The following MACROD2 variants were observed in gnomAD, a reference collection of about 807,000 sequenced individuals.
MACROD2 encodes the protein mono-ADP ribosylhydrolase 2.
A neutral mutation model predicts 70.4 loss-of-function variants in MACROD2; 36 were observed. That is an observed-to-expected ratio of 0.51 (90% CI 0.39 to 0.68). MACROD2 has a LOEUF of 0.68. MACROD2 is among the 30% of genes least tolerant of loss of function. The probability of loss-of-function intolerance (pLI) is 0.00; values close to 1 mark genes in which losing one functional copy is unlikely to be tolerated. For missense variants in MACROD2, 496 were observed against 538.4 expected (o/e 0.92, Z 0.78); for synonymous variants, 172 against 178.8 (o/e 0.96, Z 0.30).
chr20:16,006,600 T>C (rs2066791640), intron 15 of MACROD2, among the ~76,000 whole-genome samples: 1 of 152,158 alleles, frequency 6.6e-6, no homozygotes, highest in Non-Finnish European at 1.5e-5. Context: ...TCTATTTTTA[T>C]TGAAATGGAG....
At chr20:14,929,008 G>A (rs533426670) in intron 5 of MACROD2, among the ~76,000 whole-genome samples, 1 of 152,250 alleles carries the variant, frequency 6.6e-6, no homozygotes, top group Non-Finnish European at 1.5e-5. Flanking sequence ...AAGCAAGGGA[G>A]GTTTATGAAG....
intron 10 of MACROD2, among the ~76,000 whole-genome samples, chr20:15,913,283 C>T (rs1049124136): frequency 6.6e-6 from 1 of 152,010 alleles, no homozygotes; most frequent in African/African-American, 2.4e-5. Context: ...CAAACTGGCT[C>T]TGTCCAACAA....
chr20:14,937,768 C>T (rs997694622), intron 5 of MACROD2, among the ~76,000 whole-genome samples: 1 of 152,002 alleles, frequency 6.6e-6, no homozygotes, highest in Admixed American at 6.6e-5. Flanking sequence ...ATCTATGAAA[C>T]ACAAGGTCTT....
intron 2 of MACROD2, among the ~76,000 whole-genome samples, chr20:14,006,254 C>T (rs116126350): frequency 9.5e-4 from 144 of 152,202 alleles, no homozygotes; most frequent in African/African-American, 3.3e-3. Context: ...CACCTAACAA[C>T]GCCTTTCTCA....
chr20:14,525,411 G>T (rs2085219895), intron 4 of MACROD2, among the ~76,000 whole-genome samples: 1 of 152,226 alleles, frequency 6.6e-6, no homozygotes, highest in Non-Finnish European at 1.5e-5. Flanking sequence ...AGCAGGTGCT[G>T]CGTTAGTTAC....
intron 5 of MACROD2, among the ~76,000 whole-genome samples, chr20:15,185,896 G>A (rs886958464): frequency 6.6e-6 from 1 of 152,102 alleles, no homozygotes; most frequent in East Asian, 1.9e-4. Flanking sequence ...GGGAATTTGG[G>A]GGAGAAAACG....
At chr20:14,661,885 A>T (rs1986245816) in intron 4 of MACROD2, among the ~76,000 whole-genome samples, 1 of 152,116 alleles carries the variant, frequency 6.6e-6, no homozygotes, top group Non-Finnish European at 1.5e-5. Context: ...TCTACTGGTC[A>T]TCAGTGGTAG....
chr20:14,658,100 T>C (rs959546125), intron 4 of MACROD2, among the ~76,000 whole-genome samples: 5 of 152,134 alleles, frequency 3.3e-5, no homozygotes, highest in African/African-American at 1.2e-4. Context: ...TTTTTTTCAA[T>C]AAACAGTTTC....
At chr20:14,803,949 C>A (rs6131609) in intron 5 of MACROD2, among the ~76,000 whole-genome samples, 2 of 151,916 alleles carry the variant, frequency 1.3e-5, no homozygotes, top group African/African-American at 2.4e-5. Context: ...CAAAATGGAA[C>A]GTTTTTTGAG....
At chr20:14,226,960 G>A (rs1317129831) in intron 3 of MACROD2, among the ~76,000 whole-genome samples, 17 of 152,262 alleles carry the variant, frequency 1.1e-4, no homozygotes, top group Admixed American at 1.1e-3. Context: ...GGCGAAGCCA[G>A]CTGGGCTCCT....
At chr20:14,385,468 T>A (rs1450690593) in intron 3 of MACROD2, among the ~76,000 whole-genome samples, 1 of 152,174 alleles carries the variant, frequency 6.6e-6, no homozygotes, top group African/African-American at 2.4e-5. Context: ...ATCCTATTCC[T>A]TTAATGGACC....
chr20:15,888,013 C>T (rs1320804475), intron 10 of MACROD2, among the ~76,000 whole-genome samples: 3 of 152,064 alleles, frequency 2.0e-5, no homozygotes, highest in African/African-American at 7.2e-5. Context: ...GTCTTGGTTG[C>T]CCACAGTGGA....
At chr20:14,673,745 C>T (rs1347326047) in intron 4 of MACROD2, among the ~76,000 whole-genome samples, 3 of 150,842 alleles carry the variant, frequency 2.0e-5, no homozygotes, top group Admixed American at 6.6e-5. Context: ...ATGGTAAAAC[C>T]CCATCTTTAC....
At chr20:14,560,465 G>A (rs913886231) in intron 4 of MACROD2, among the ~76,000 whole-genome samples, 4 of 151,712 alleles carry the variant, frequency 2.6e-5, no homozygotes, top group African/African-American at 7.3e-5. Flanking sequence ...TATGTGGTTG[G>A]ATATAAGAAA....
chr20:16,048,495 G>A (rs183534666), intron 17 of MACROD2, among the ~76,000 whole-genome samples: 76 of 152,246 alleles, frequency 5.0e-4, no homozygotes, highest in African/African-American at 1.8e-3. Context: ...GTTCTACAAG[G>A]AGACTAGGCA....
intron 5 of MACROD2, among the ~76,000 whole-genome samples, chr20:15,030,763 A>G (rs886987642): frequency 4.6e-5 from 7 of 152,216 alleles, no homozygotes; most frequent in African/African-American, 1.4e-4. Context: ...AGAAGATTAC[A>G]GGCAAAAGTA....
In MACROD2 at chr20:14,086,691, A is replaced by G. The variant is rs528274617; in HGVS notation, c.271+963A>G. Among the ~76,000 whole-genome samples the G allele has an allele frequency of 3.2e-3, 491 of 152,334 alleles. 2 individuals carry two copies. Among genetic ancestry groups the G allele is most frequent in the African/African-American group, 0.011 (465 of 41,570 alleles). Reference sequence around the variant, plus strand: ...AGAGGAGCCTGACTAAAGTTTGGTCAGGTCGTTTGTGGGCATTGACCAACC... The same window carrying G: ...AGAGGAGCCTGACTAAAGTTTGGTCGGGTCGTTTGTGGGCATTGACCAACC... On this transcript the variant is annotated intron_variant, in intron 3 of 17. Transcript: ENST00000684519.
At chr20:15,313,783 T>G (rs143280221) in intron 6 of MACROD2, among the ~76,000 whole-genome samples, 17 of 152,364 alleles carry the variant, frequency 1.1e-4, no homozygotes, top group African/African-American at 3.8e-4. Flanking sequence ...TGTTGGATAC[T>G]CTAAAGCTCA....
chr20:15,773,896 C>A (rs1179274226), intron 8 of MACROD2, among the ~76,000 whole-genome samples: 1 of 152,124 alleles, frequency 6.6e-6, no homozygotes, highest in East Asian at 1.9e-4. Context: ...CATTTCATTT[C>A]TTTTCCCAAT....
Sources: gnomAD v4.1 joint callset for allele counts (sites outside exome capture counted in the v4.1 genomes callset) on GRCh38, gnomAD v4.1.1 for gene constraint, MANE v1.5 for transcripts, NCBI Gene and HGNC (gene_info 2026-07-23, HGNC 2026-07-21) for gene names.